MTMR10: variants seen among roughly 807,000 people sequenced by gnomAD.
MTMR10 encodes the protein myotubularin related protein 10, also known as myotubularin-related protein 10.
In MTMR10, 56 loss-of-function variants were observed where a neutral mutation model predicts 88.1. The ratio of observed to expected loss-of-function variants is 0.64; its 90% CI spans 0.51 to 0.79. MTMR10 has a LOEUF of 0.79. MTMR10 is among the 30% of genes least tolerant of loss of function. The pLI, the probability that MTMR10 is intolerant of heterozygous loss-of-function variation, is 0.00. For synonymous variants in MTMR10, 380 were observed against 340.9 expected, an observed-to-expected ratio of 1.11 and a Z score of -1.26; for missense variants, 883 against 924.7, an observed-to-expected ratio of 0.95 and a Z score of 0.58.
Position 30,939,729 on chromosome 15 carries a change from G to A in MTMR10, c.*1741C>T, listed in dbSNP as rs1355408821. On this transcript the variant is annotated 3_prime_UTR_variant, in exon 16 of 16. Coordinates refer to ENST00000435680, the MANE Select transcript of MTMR10 (RefSeq NM_017762.3). ...CAAAACATTTAGTAATAATAAAAAA[G>A]CAGCTAAATGAAAAAGGGAGAATTG... is the stretch of plus-strand genomic sequence containing the variant. The A allele has an allele frequency of 1.0e-6, 1 of 980,724 alleles. No homozygotes were observed. The highest frequency in any genetic ancestry group is 6.2e-5 in the Admixed American group (1 of 16,246). 60.8% of individuals were successfully genotyped at this position (980,724 alleles called of 1,614,324 possible).
At chr15:30,987,403 A>G (rs1406796773) in intron 2 of MTMR10, among the ~76,000 whole-genome samples, 4 of 152,252 alleles carry the variant, frequency 2.6e-5, no homozygotes, top group African/African-American at 9.6e-5. Flanking sequence ...AGGAAAGCTG[A>G]AAATTACTAA....
the MTMR10 span, chr15:30,927,868 C>T: frequency 2.0e-6 from 2 of 985,710 alleles, no homozygotes; most frequent in Non-Finnish European, 2.4e-6. Flanking sequence ...GACCCTGCCT[C>T]TGACTCTGTG....
the MTMR10 span, chr15:30,930,805 TTCC>T: frequency 9.0e-7 from 1 of 1,112,492 alleles, no homozygotes; most frequent in East Asian, 2.4e-5. Context: ...AGGGCCTGGG[TTCC>T]TGTGGGCCTG....
intron 6 of MTMR10, 72 bp from the exon 7 acceptor site, chr15:30,961,145 C>T: frequency 1.3e-6 from 2 of 1,486,706 alleles, no homozygotes; most frequent in South Asian, 2.7e-5. Context: ...TCTGAGCCTC[C>T]TGTCACATGC....
intron 10 of MTMR10, among the ~76,000 whole-genome samples, chr15:30,954,323 C>T (rs565163162): frequency 1.3e-5 from 2 of 152,278 alleles, no homozygotes; most frequent in Non-Finnish European, 2.9e-5. Context: ...TCCCGCAGGA[C>T]ACATGAAAGC....
chr15:30,951,877 A>C, intron 12 of MTMR10, 91 bp downstream of exon 12: 1 of 1,106,332 alleles, frequency 9.0e-7, no homozygotes, highest in South Asian at 1.3e-5. Context: ...AAATAGCTAA[A>C]ACTGATGTGA....
downstream of MTMR10, among the ~76,000 whole-genome samples, chr15:30,936,136 G>T (rs1460953307): frequency 1.3e-5 from 2 of 151,800 alleles, no homozygotes; most frequent in African/African-American, 4.8e-5. Flanking sequence ...GTGTCTTCAA[G>T]TCTAGTGATG....
chr15:30,921,755 G>C, the MTMR10 span, among the ~76,000 whole-genome samples: 1 of 152,334 alleles, frequency 6.6e-6, no homozygotes, highest in Non-Finnish European at 1.5e-5. Flanking sequence ...CGAACAGTCT[G>C]TACATAATCT....
intron 9 of MTMR10, among the ~76,000 whole-genome samples, chr15:30,957,067 G>A (rs535477769): frequency 2.0e-5 from 3 of 152,232 alleles, no homozygotes; most frequent in East Asian, 3.9e-4. Flanking sequence ...ACGGTACAGT[G>A]GAAAAACCCT....
downstream of MTMR10, among the ~76,000 whole-genome samples, chr15:30,938,585 A>C (rs919804251): frequency 6.6e-6 from 1 of 152,154 alleles, no homozygotes; most frequent in Non-Finnish European, 1.5e-5. Context: ...CAGGCTGGGC[A>C]AGGGGGTGTG....
At chr15:30,942,366 C>T (rs2063084069) in intron 15 of MTMR10, 1 of 458,604 alleles carries the variant, frequency 2.2e-6, no homozygotes, top group East Asian at 3.9e-5. Context: ...AGAAAAAACA[C>T]TAGACCTGGC....
the MTMR10 span, among the ~76,000 whole-genome samples, chr15:30,929,641 A>G: frequency 2.4e-5 from 3 of 123,806 alleles, no homozygotes; most frequent in Admixed American, 2.9e-4. Context: ...TATACAATAT[A>G]CAATATATAA....
chr15:30,989,329 A>C (rs2031157354), intron 2 of MTMR10, among the ~76,000 whole-genome samples: 1 of 152,216 alleles, frequency 6.6e-6, no homozygotes, highest in African/African-American at 2.4e-5. Context: ...TGTTGAGTGA[A>C]AAGCACTAAC....
intron 2 of MTMR10, among the ~76,000 whole-genome samples, chr15:30,981,194 G>T (rs2030546403): frequency 6.6e-6 from 1 of 152,246 alleles, no homozygotes; most frequent in Non-Finnish European, 1.5e-5. Context: ...TACTGTGGTA[G>T]TTTTAAGGTA....
intron 3 of MTMR10, among the ~76,000 whole-genome samples, chr15:30,976,367 C>T (rs1369912572): frequency 1.3e-5 from 2 of 152,092 alleles, no homozygotes; most frequent in East Asian, 3.9e-4. Context: ...CATCATGCCA[C>T]TGCACTCCAG....
chr15:30,938,589 G>A (rs937957499), downstream of MTMR10, among the ~76,000 whole-genome samples: 1 of 152,194 alleles, frequency 6.6e-6, no homozygotes. Context: ...CTGGGCAAGG[G>A]GGTGTGGTAG....
chr15:30,926,186 G>C, the MTMR10 span, among the ~76,000 whole-genome samples: 2 of 152,212 alleles, frequency 1.3e-5, no homozygotes, highest in South Asian at 2.1e-4. Flanking sequence ...AGTTATGGAA[G>C]GTACTGCACA....
intron 2 of MTMR10, among the ~76,000 whole-genome samples, chr15:30,983,342 A>C (rs565884828): frequency 1.3e-5 from 2 of 152,324 alleles, no homozygotes; most frequent in East Asian, 1.9e-4. Flanking sequence ...CCTGGGAGGA[A>C]ATCAAGAAAT....
At chr15:30,966,187 T>G (rs1406629739) in intron 6 of MTMR10, 1 of 326,176 alleles carries the variant, frequency 3.1e-6, no homozygotes, top group Admixed American at 3.9e-5. Flanking sequence ...ATTTTCAGTA[T>G]TAATCATCAA....
Sources: gnomAD v4.1 joint callset for allele counts (sites outside exome capture counted in the v4.1 genomes callset) on GRCh38, gnomAD v4.1.1 for gene constraint, MANE v1.5 for transcripts, NCBI Gene and HGNC (gene_info 2026-07-23, HGNC 2026-07-21) for gene names.